Variants in SCARB2 observed in about 807,000 individuals in gnomAD.
SCARB2 encodes the protein lysosome membrane protein 2.
A neutral mutation model predicts 58.6 loss-of-function variants in SCARB2; 29 were observed. That is an observed-to-expected ratio of 0.49 (90% CI 0.37 to 0.67). The LOEUF (loss-of-function observed/expected upper bound fraction) is 0.67. Ranked by LOEUF, SCARB2 falls within the 30% of genes least tolerant of loss-of-function variation. The pLI is 0.00. For synonymous variants in SCARB2, 195 were observed against 210.1 expected (o/e 0.93, Z 0.62); for missense variants, 488 against 578.5 (o/e 0.84, Z 1.60).
At chr4:76,215,247 T>C (rs1421171757), upstream of SCARB2, among the ~76,000 whole-genome samples, 1 of 152,212 alleles carries the variant, frequency 6.6e-6, no homozygotes, top group Non-Finnish European at 1.5e-5. Flanking sequence ...GCAACTATAG[T>C]GTATTATCCT....
At chr4:76,174,726 C>T in intron 6 of SCARB2, 1 of 245,248 alleles carries the variant, frequency 4.1e-6, no homozygotes, top group African/African-American at 2.3e-5. Flanking sequence ...ATGGCCGTGG[C>T]CTCGTAGGGT....
chr4:76,210,189 T>C (rs1388604696), intron 1 of SCARB2, among the ~76,000 whole-genome samples: 1 of 152,150 alleles, frequency 6.6e-6, no homozygotes, highest in East Asian at 1.9e-4. Flanking sequence ...TTCATTCTTG[T>C]GACAACTCTG....
In SCARB2 at chr4:76,173,982, T is replaced by C. The variant is rs1732189610; in HGVS notation, c.994+162A>G. On this transcript the variant is annotated intron_variant, in intron 7 of 11. Transcript: ENST00000264896. ...AGTGGTCTCGCCATGTTGCCCAGGATGGACTTGAGAACTCCTGGGCTCAAG... is the reference window on the plus strand; with the variant it reads ...AGTGGTCTCGCCATGTTGCCCAGGACGGACTTGAGAACTCCTGGGCTCAAG... 7.7e-6 allele frequency: 6 copies of C among 783,180 alleles called. No homozygotes were observed. In the South Asian group the frequency reaches 8.1e-5, roughly 11 times the overall value. The allele number at this position is 783,180 out of a possible 1,614,324, so 48.5% of individuals were successfully genotyped here.
intron 9 of SCARB2, among the ~76,000 whole-genome samples, chr4:76,167,683 G>A (rs201077726): frequency 8.9e-4 from 8 of 8,984 alleles, no homozygotes; most frequent in East Asian, 2.7e-3. Context: ...CCCCCCCCCC[G>A]CTTTTTTTTT....
intron 1 of SCARB2, among the ~76,000 whole-genome samples, chr4:76,225,700 C>T (rs570026985): frequency 8.5e-5 from 13 of 152,268 alleles, no homozygotes; most frequent in South Asian, 2.1e-4. Flanking sequence ...TATTGACTTG[C>T]GTAAGTTAAA....
chr4:76,183,356 G>C (rs538183150), intron 2 of SCARB2, among the ~76,000 whole-genome samples: 3 of 152,310 alleles, frequency 2.0e-5, no homozygotes, highest in East Asian at 3.9e-4. Flanking sequence ...AAAAGCCCCA[G>C]GCTGTTTTAC....
intron 1 of SCARB2, among the ~76,000 whole-genome samples, chr4:76,212,619 A>G (rs1392298239): frequency 6.6e-6 from 1 of 152,216 alleles, no homozygotes; most frequent in African/African-American, 2.4e-5. Flanking sequence ...GATCCCAGTA[A>G]TTCTCTTTTG....
intron 2 of SCARB2, among the ~76,000 whole-genome samples, chr4:76,183,137 C>A (rs988564528): frequency 3.9e-5 from 6 of 152,098 alleles, no homozygotes; most frequent in Non-Finnish European, 8.8e-5. Context: ...AAAAAACAAA[C>A]CATTTTTTTC....
chr4:76,201,704 G>T (rs1732831750), intron 1 of SCARB2, among the ~76,000 whole-genome samples: 1 of 152,152 alleles, frequency 6.6e-6, no homozygotes, highest in Non-Finnish European at 1.5e-5. Flanking sequence ...TTTCATAAAT[G>T]GTTAAGACTA....
intron 1 of SCARB2, among the ~76,000 whole-genome samples, chr4:76,198,885 T>C (rs1253577777): frequency 6.6e-6 from 1 of 150,506 alleles, no homozygotes; most frequent in Admixed American, 6.6e-5. Context: ...CTCATGCGAA[T>C]GCACTAAGTA....
At position 76,213,636 on chromosome 4, in the gene SCARB2, G is replaced by A; in HGVS notation, c.-93C>T. ...CCGCCGCAGAGGCGTCGAAGACCCGGGACCCTTCGGCGCCACGCCCACGCC... is the reference window on the plus strand; with the variant it reads ...CCGCCGCAGAGGCGTCGAAGACCCGAGACCCTTCGGCGCCACGCCCACGCC... On this transcript the variant is annotated 5_prime_UTR_variant, in exon 1 of 12. Transcript: ENST00000264896. The A allele has an allele frequency of 1.0e-6, 1 of 979,294 alleles. No individual in the cohort carries two copies. The highest frequency in any genetic ancestry group is 1.6e-6 in the Non-Finnish European group (1 of 632,902). 60.7% of individuals were successfully genotyped at this position (979,294 alleles called of 1,614,324 possible).
chr4:76,218,870 G>C (rs959315214), intron 1 of SCARB2, among the ~76,000 whole-genome samples: 1 of 152,172 alleles, frequency 6.6e-6, no homozygotes, highest in Non-Finnish European at 1.5e-5. Flanking sequence ...TCTGCTACTT[G>C]TACATAGTAC....
intron 1 of SCARB2, among the ~76,000 whole-genome samples, chr4:76,199,145 A>C (rs1012850248): frequency 2.6e-5 from 4 of 152,152 alleles, no homozygotes; most frequent in Non-Finnish European, 4.4e-5. Context: ...AAAAATCCCC[A>C]TTTTGCAGAC....
intron 1 of SCARB2, among the ~76,000 whole-genome samples, chr4:76,212,564 A>C (rs1733073909): frequency 6.6e-6 from 1 of 152,212 alleles, no homozygotes; most frequent in South Asian, 2.1e-4. Context: ...GCTAACAAGA[A>C]AGGCTGCTGC....
Position 76,185,203 on chromosome 4 carries a change from G to A in SCARB2, c.276-4102C>T, listed in dbSNP as rs893320169. Reference sequence around the variant, plus strand: ...ATTCACAGTAATTTATTGGAATATGGAGGAGGAGAGGAAATTTCAAAGCCA... The same window carrying A: ...ATTCACAGTAATTTATTGGAATATGAAGGAGGAGAGGAAATTTCAAAGCCA... On this transcript the variant is annotated intron_variant, in intron 2 of 11. Transcript: ENST00000264896. Among the ~76,000 whole-genome samples, 6 of 152,182 alleles carry A rather than the reference G, an allele frequency of 3.9e-5. No individual in the cohort carries two copies. In the East Asian group the frequency reaches 1.2e-3, roughly 29 times the overall value.
intron 2 of SCARB2, among the ~76,000 whole-genome samples, chr4:76,187,463 G>T (rs1027680236): frequency 1.3e-5 from 2 of 151,950 alleles, no homozygotes; most frequent in Non-Finnish European, 2.9e-5. Context: ...AAATGAAAAC[G>T]GATCTACATG....
chr4:76,179,458 G>T, intron 4 of SCARB2, 59 bp downstream of exon 4: 1 of 1,192,566 alleles, frequency 8.4e-7, no homozygotes, highest in South Asian at 1.2e-5. Context: ...ATCTGGCTTG[G>T]GGTGCCCCAA....
At chr4:76,162,178 A>ATTTATT in intron 11 of SCARB2, 2 of 197,728 alleles carry the variant, frequency 1.0e-5, no homozygotes, top group East Asian at 1.2e-4. Context: ...GCTTAAGACA[A>ATTTATT]TTTCAATGAC....
intron 7 of SCARB2, chr4:76,173,890 G>C (rs1312268387): frequency 1.7e-5 from 8 of 466,400 alleles, no homozygotes; most frequent in African/African-American, 9.7e-5. Flanking sequence ...CATTGTTCTT[G>C]AAAGAAACTG....
Sources: allele counts gnomAD v4.1 joint callset (sites outside exome capture counted in the v4.1 genomes callset), GRCh38; gene constraint gnomAD v4.1.1; transcripts MANE v1.5; gene names NCBI Gene and HGNC (gene_info 2026-07-23, HGNC 2026-07-21).